KCNIP4: variants seen among roughly 807,000 people sequenced by gnomAD.
KCNIP4 encodes the protein Kv channel-interacting protein 4.
In KCNIP4, 12 loss-of-function variants were observed where a neutral mutation model predicts 34.0. That is an observed-to-expected ratio of 0.35 (90% CI 0.23 to 0.57). KCNIP4 has a LOEUF of 0.57. Ranked by LOEUF, KCNIP4 falls within the 20% of genes least tolerant of loss-of-function variation. KCNIP4 has a pLI of 0.83. For synonymous variants in KCNIP4, 124 were observed against 102.2 expected, an observed-to-expected ratio of 1.21 and a Z score of -1.29; for missense variants, 238 against 311.7, an observed-to-expected ratio of 0.76 and a Z score of 1.78.
intron 5 of KCNIP4, among the ~76,000 whole-genome samples, chr4:20,738,044 C>T (rs975468098): frequency 6.6e-6 from 1 of 151,750 alleles, no homozygotes; most frequent in African/African-American, 2.4e-5. Flanking sequence ...AGATGGGAAT[C>T]ACTTGAGCCC....
chr4:21,426,293 G>T (rs961175165), intron 1 of KCNIP4, among the ~76,000 whole-genome samples: 6 of 152,246 alleles, frequency 3.9e-5, no homozygotes, highest in African/African-American at 1.4e-4. Context: ...GGAGTCTTTC[G>T]GGTGTGATGA....
intron 1 of KCNIP4, among the ~76,000 whole-genome samples, chr4:21,671,972 C>T (rs573745845): frequency 1.3e-5 from 2 of 152,164 alleles, no homozygotes; most frequent in South Asian, 4.2e-4. Flanking sequence ...GTATGAAGGC[C>T]CCAGCAGTAA....
rs570367682 is a variant in KCNIP4 at position 21,094,639 on chromosome 4, T to C, written c.62-211930A>G. Among the ~76,000 whole-genome samples the C allele has an allele frequency of 3.3e-5, 5 of 152,316 alleles. No individual in the cohort carries two copies. In the East Asian group the frequency reaches 7.7e-4, roughly 24 times the overall value. On this transcript the variant is annotated intron_variant, in intron 1 of 8. Transcript: ENST00000382152. ...ACATTGACTTGTGTAACCAATATGT[T>C]ACTGCAGAAATGAAGTTATATGACT...
chr4:21,814,484 C>G (rs976529224), intron 1 of KCNIP4, among the ~76,000 whole-genome samples: 2 of 152,138 alleles, frequency 1.3e-5, no homozygotes, highest in African/African-American at 4.8e-5. Flanking sequence ...CCTGTCGCCA[C>G]GTAAGACGTC....
intron 1 of KCNIP4, among the ~76,000 whole-genome samples, chr4:21,495,070 T>C (rs535007128): frequency 6.6e-6 from 1 of 152,102 alleles, no homozygotes; most frequent in African/African-American, 2.4e-5. Context: ...AAAAGCATCA[T>C]GTGTTTGCTG....
At chr4:20,731,305 CTTAAG>C (rs893170325) in intron 8 of KCNIP4, 2 of 784,580 alleles carry the variant, frequency 2.5e-6, no homozygotes. Context: ...AAATCCTGGC[CTTAAG>C]TTATCTTCCC....
intron 1 of KCNIP4, among the ~76,000 whole-genome samples, chr4:21,707,047 T>C (rs573141612): frequency 6.6e-6 from 1 of 152,284 alleles, no homozygotes; most frequent in South Asian, 2.1e-4. Context: ...TCAACTTTGG[T>C]TATAGCTCTG....
chr4:20,852,550 C>T (rs1721149620), intron 2 of KCNIP4, among the ~76,000 whole-genome samples: 1 of 152,132 alleles, frequency 6.6e-6, no homozygotes, highest in South Asian at 2.1e-4. Flanking sequence ...AAAGCATTCC[C>T]TCTGAGAATG....
At chr4:20,764,410 A>G (rs1012406464) in intron 3 of KCNIP4, among the ~76,000 whole-genome samples, 1 of 152,060 alleles carries the variant, frequency 6.6e-6, no homozygotes, top group Non-Finnish European at 1.5e-5. Flanking sequence ...ACTGTTGCAT[A>G]TTGAGGCGAT....
At chr4:21,114,572 A>G (rs1340021708) in intron 1 of KCNIP4, among the ~76,000 whole-genome samples, 2 of 152,214 alleles carry the variant, frequency 1.3e-5, no homozygotes, top group African/African-American at 4.8e-5. Context: ...CTGGGTCATG[A>G]TCAGTGCTGA....
At chr4:21,512,738 G>A (rs9990833) in intron 1 of KCNIP4, among the ~76,000 whole-genome samples, 8,522 of 152,218 alleles carry the variant, frequency 0.056, 758 homozygotes, top group African/African-American at 0.19. Context: ...CATTGGCTTA[G>A]CTGAAGTTCC....
At chr4:21,072,203 T>C (rs1191224060) in intron 1 of KCNIP4, among the ~76,000 whole-genome samples, 2 of 152,192 alleles carry the variant, frequency 1.3e-5, no homozygotes, top group Non-Finnish European at 2.9e-5. Context: ...TTCTAGATCC[T>C]TGAGGAATCG....
At chr4:20,899,454 G>T (rs1231479033) in intron 1 of KCNIP4, among the ~76,000 whole-genome samples, 1 of 152,164 alleles carries the variant, frequency 6.6e-6, no homozygotes. Context: ...GAGGGGTTAT[G>T]TCCTGATGAA....
chr4:21,136,627 T>C (rs970273936), intron 1 of KCNIP4, among the ~76,000 whole-genome samples: 1 of 152,168 alleles, frequency 6.6e-6, no homozygotes, highest in African/African-American at 2.4e-5. Flanking sequence ...ATGATAATTC[T>C]CTTGGGATGC....
At chr4:21,250,921 A>G (rs1432615560) in intron 1 of KCNIP4, among the ~76,000 whole-genome samples, 1 of 150,884 alleles carries the variant, frequency 6.6e-6, no homozygotes, top group African/African-American at 2.4e-5. Flanking sequence ...TATTATATGC[A>G]TATATTTAAA....
At chr4:21,574,115 G>A (rs1740558078) in intron 1 of KCNIP4, among the ~76,000 whole-genome samples, 1 of 152,084 alleles carries the variant, frequency 6.6e-6, no homozygotes, top group Non-Finnish European at 1.5e-5. Context: ...ACAGAGTTGA[G>A]TCATGGTTTA....
At chr4:21,315,455 A>G (rs960807117) in intron 1 of KCNIP4, 1 of 152,174 alleles carries the variant, frequency 6.6e-6, no homozygotes. Flanking sequence ...ACTGTTTGTA[A>G]TAGATCAGGC....
At chr4:20,902,065 A>C (rs1727210312) in intron 1 of KCNIP4, among the ~76,000 whole-genome samples, 1 of 152,200 alleles carries the variant, frequency 6.6e-6, no homozygotes, top group Non-Finnish European at 1.5e-5. Context: ...GGAAACCTTG[A>C]CACATTTTCT....
chr4:21,184,262 G>T (rs1289566355), intron 1 of KCNIP4, among the ~76,000 whole-genome samples: 1 of 152,056 alleles, frequency 6.6e-6, no homozygotes, highest in East Asian at 1.9e-4. Context: ...ACTTAGAACA[G>T]TACCTGAAAC....
Sources: allele counts gnomAD v4.1 joint callset (sites outside exome capture counted in the v4.1 genomes callset), GRCh38; gene constraint gnomAD v4.1.1; transcripts MANE v1.5; gene names NCBI Gene and HGNC (gene_info 2026-07-23, HGNC 2026-07-21).